TRIM33: variants seen among roughly 807,000 people sequenced by gnomAD.
TRIM33 encodes the protein E3 ubiquitin-protein ligase TRIM33.
Under a neutral mutation model 125.4 loss-of-function variants are expected in TRIM33, and 20 were observed. The observed-to-expected ratio is 0.16, with a 90% confidence interval of 0.11 to 0.23. The LOEUF (loss-of-function observed/expected upper bound fraction) is 0.23. Among genes scored for constraint, TRIM33 ranks in the 10% least tolerant of loss-of-function variants. The pLI is 1.00. For missense variants in TRIM33, 920 were observed against 1,411.4 expected, an observed-to-expected ratio of 0.65 and a Z score of 5.58; for synonymous variants, 564 against 513.9, an observed-to-expected ratio of 1.10 and a Z score of -1.32.
intron 4 of TRIM33, among the ~76,000 whole-genome samples, chr1:114,436,006 G>C (rs1258416075): frequency 6.8e-6 from 1 of 147,036 alleles, no homozygotes; most frequent in African/African-American, 2.5e-5. Flanking sequence ...TAGGATTACA[G>C]ACACGAGCCA....
chr1:114,461,557 A>G (rs1304300427), intron 4 of TRIM33, among the ~76,000 whole-genome samples: 1 of 151,968 alleles, frequency 6.6e-6, no homozygotes, highest in Admixed American at 6.6e-5. Flanking sequence ...AGGAGAAAAA[A>G]AACATTTTTT....
rs188709710 is a variant in TRIM33, at chr1:114,462,659, G to A, written c.923+445C>T. Reference sequence around the variant, plus strand: ...GGCTAAAATACAAAGGTATGTATTAGAGGGTCAGTAACTCTGCTTAGTTGT... The same window carrying A: ...GGCTAAAATACAAAGGTATGTATTAAAGGGTCAGTAACTCTGCTTAGTTGT... On this transcript the variant is annotated intron_variant, in intron 4 of 19. Coordinates refer to ENST00000358465, the MANE Select transcript of TRIM33 (RefSeq NM_015906.4). Among the ~76,000 whole-genome samples the A allele has an allele frequency of 1.3e-4, 20 of 152,298 alleles. No homozygotes were observed. The East Asian group carries it at 3.5e-3, about 26-fold the overall frequency.
At chr1:114,413,782 C>T (rs1652751992) in intron 11 of TRIM33, among the ~76,000 whole-genome samples, 2 of 151,812 alleles carry the variant, frequency 1.3e-5, no homozygotes, top group Admixed American at 6.6e-5. Context: ...CTTTCGGATA[C>T]CAAGGTAAGA....
At chr1:114,475,590 G>A (rs1051180951) in intron 1 of TRIM33, among the ~76,000 whole-genome samples, 3 of 152,172 alleles carry the variant, frequency 2.0e-5, no homozygotes, top group African/African-American at 7.2e-5. Flanking sequence ...GGCTGAGGCA[G>A]GATAATGGCG....
chr1:114,452,887 A>G (rs1271914431), intron 4 of TRIM33, among the ~76,000 whole-genome samples: 4 of 152,102 alleles, frequency 2.6e-5, no homozygotes. Flanking sequence ...TGGGTGACAG[A>G]GCAAGACACC....
At position 114,424,633 on chromosome 1, in the gene TRIM33, G is replaced by C; in HGVS notation, c.1818C>G (p.Ser606Arg). 1 of 1,608,114 alleles carries C rather than the reference G, an allele frequency of 6.2e-7. No homozygotes were observed. Among genetic ancestry groups the C allele is most frequent in the Non-Finnish European group, 8.5e-7 (1 of 1,177,288 alleles). The change falls in exon 10 of 20, where the codon AGC becomes AGG. Residue 606 changes from serine (S) to arginine (R), a missense_variant. Ser to Arg is a moderately radical substitution (Grantham distance 110). Around this residue, in one of 8 missense-constraint regions of TRIM33, gnomAD observed 407 missense variants for 589.7 expected, o/e 0.69. Transcript: ENST00000358465. ...GCTGCATCATGGAATATTGAGGGCC[G>C]CTGTGCCTGGGTATCCCTGGTATTC... is the stretch of plus-strand genomic sequence containing the variant. ...AARIPGIPRHSGPQYSMMQPH... is the reference protein window; with the variant it reads ...AARIPGIPRHRGPQYSMMQPH...
chr1:114,403,218 T>C (rs1056937248), intron 15 of TRIM33, among the ~76,000 whole-genome samples: 4 of 152,194 alleles, frequency 2.6e-5, no homozygotes, highest in African/African-American at 9.7e-5. Flanking sequence ...GTGGACTCAG[T>C]TATTTATGAA....
At chr1:114,409,644 GAA>G (rs1435253895) in intron 12 of TRIM33, among the ~76,000 whole-genome samples, 4 of 152,096 alleles carry the variant, frequency 2.6e-5, no homozygotes, top group Non-Finnish European at 4.4e-5. Flanking sequence ...TTCAGTTACT[GAA>G]AGAGTACCAA....
At chr1:114,401,288 T>C (rs1320265488) in intron 17 of TRIM33, 101 bp downstream of exon 17, 6 of 770,756 alleles carry the variant, frequency 7.8e-6, no homozygotes, top group East Asian at 6.3e-5. Context: ...CCTCCCAAAG[T>C]GCTGGGATTA....
At position 114,410,196 on chromosome 1, in the gene TRIM33, G is replaced by C. The variant is rs1357694359; in HGVS notation, c.2182C>G (p.Pro728Ala). 5 of 1,613,884 alleles carry C rather than the reference G, an allele frequency of 3.1e-6. No homozygotes were observed. The South Asian group carries it at 5.5e-5, about 18-fold the overall frequency. ...CCGTTTGCTTTACCTGATGATCCCG[G>C]AGAAAGGGCAGAGGGACCTGGAGAA... ...NPSPGPSALS[P>A]GSSGLSNSHT... is the part of the protein sequence containing the mutation. The change falls in exon 12 of 20, where the codon CCG becomes GCG. Residue 728 changes from proline to alanine, a missense_variant. Transcript: ENST00000358465.
At chr1:114,480,240 C>T (rs1391236578) in intron 1 of TRIM33, among the ~76,000 whole-genome samples, 2 of 151,928 alleles carry the variant, frequency 1.3e-5, no homozygotes, top group East Asian at 1.9e-4. Context: ...GGATTAAGGG[C>T]GGTGCAAGAT....
At chr1:114,493,616 T>C (rs760126255) in intron 1 of TRIM33, among the ~76,000 whole-genome samples, 14 of 152,086 alleles carry the variant, frequency 9.2e-5, no homozygotes, top group Non-Finnish European at 1.6e-4. Context: ...CTTTTGCATA[T>C]GGTGTGAAGT....
chr1:114,484,112 T>C (rs1333494709), intron 1 of TRIM33, among the ~76,000 whole-genome samples: 1 of 152,152 alleles, frequency 6.6e-6, no homozygotes, highest in African/African-American at 2.4e-5. Context: ...TGCAAAAAGA[T>C]GTTTTATTTT....
chr1:114,473,744 C>A (rs1024084680), intron 1 of TRIM33, among the ~76,000 whole-genome samples: 7 of 151,998 alleles, frequency 4.6e-5, no homozygotes, highest in Admixed American at 3.9e-4. Context: ...TAAGGAGGAA[C>A]CAATGAACAA....
At chr1:114,504,620 C>A (rs1652894207) in intron 1 of TRIM33, among the ~76,000 whole-genome samples, 1 of 152,214 alleles carries the variant, frequency 6.6e-6, no homozygotes, top group East Asian at 1.9e-4. Context: ...ATCACCCCCA[C>A]CCCAGCATTC....
At chr1:114,399,634 TAAG>T (rs1196922747) in intron 17 of TRIM33, 25 bp from the exon 18 acceptor site, 2 of 1,546,214 alleles carry the variant, frequency 1.3e-6, no homozygotes, top group Non-Finnish European at 1.8e-6. Context: ...TAATGGCAAA[TAAG>T]AATTCTCCAA....
chr1:114,476,894 G>C (rs897090979), intron 1 of TRIM33, among the ~76,000 whole-genome samples: 7 of 152,024 alleles, frequency 4.6e-5, no homozygotes, highest in African/African-American at 1.7e-4. Flanking sequence ...AATGCTTAAA[G>C]AATAAACCAG....
chr1:114,444,349 A>G (rs1433428981), intron 4 of TRIM33, among the ~76,000 whole-genome samples: 1 of 152,224 alleles, frequency 6.6e-6, no homozygotes, highest in Admixed American at 6.5e-5. Context: ...TGCCGTTGCT[A>G]TAAAGTTGAC....
intron 11 of TRIM33, among the ~76,000 whole-genome samples, chr1:114,415,115 T>C (rs1652855217): frequency 6.7e-6 from 1 of 150,076 alleles, no homozygotes; most frequent in African/African-American, 2.5e-5. Flanking sequence ...CTGCCTCAGC[T>C]TCCCAAGCAG....
Sources: gnomAD v4.1 joint callset for allele counts (sites outside exome capture counted in the v4.1 genomes callset) on GRCh38, gnomAD v4.1.1 for gene constraint, gnomAD v4.1.1 regional missense constraint, MANE v1.5 for transcripts, NCBI Gene and HGNC (gene_info 2026-07-23, HGNC 2026-07-21) for gene names.